The following NRTN variants were observed in gnomAD, a reference collection of about 807,000 sequenced individuals.
NRTN encodes neurturin, also known as prepro-neurturin.
NRTN carries 3 observed loss-of-function variants against 7.5 expected under a neutral mutation model. The observed-to-expected ratio is 0.40, with a 90% CI of 0.18 to 1.03. The LOEUF (loss-of-function observed/expected upper bound fraction) is 1.03. Ranked by LOEUF, NRTN falls within the 50% of genes least tolerant of loss-of-function variation. NRTN has a pLI of 0.34. For missense variants in NRTN, 310 were observed against 307.0 expected, an observed-to-expected ratio of 1.01 and a Z score of -0.07; for synonymous variants, 157 against 146.6, an observed-to-expected ratio of 1.07 and a Z score of -0.51.
chr19:5,811,154 G>A (rs535900661), intron 1 of NRTN, among the ~76,000 whole-genome samples: 8 of 152,076 alleles, frequency 5.3e-5, no homozygotes, highest in African/African-American at 1.2e-4. Flanking sequence ...CAGGAGAACC[G>A]CTTGAACCCC....
chr19:5,805,086 G>T lies in NRTN; in HGVS notation c.-764G>T, dbSNP rs1381409503. ...ACGGGCGGAGGCGGCGGGAGAGCGC[G>T]CCCTGAAGCCGCTCCGAGTGCCCAG... On this transcript the variant is annotated 5_prime_UTR_variant, in exon 1 of 3. Coordinates refer to ENST00000303212, the MANE Select transcript of NRTN (RefSeq NM_004558.5). Among the ~76,000 whole-genome samples the T allele has an allele frequency of 2.1e-5, 3 of 146,108 alleles. No homozygotes were observed. Among genetic ancestry groups the T allele is most frequent in the Non-Finnish European group, 3.0e-5 (2 of 65,760 alleles).
At position 5,827,890 on chromosome 19, in the gene NRTN, G is replaced by C; in HGVS notation, c.311G>C (p.Gly104Ala). The C allele has an allele frequency of 7.2e-7, 1 of 1,387,396 alleles. No homozygotes were observed. The highest frequency in any genetic ancestry group is 9.4e-7 in the Non-Finnish European group (1 of 1,066,816). The allele number at this position is 1,387,396 out of a possible 1,614,324, so 85.9% of individuals were successfully genotyped here. A position where few individuals can be genotyped will look rare whatever the true frequency, so the allele number is the denominator to read the frequency against. Residue 104 changes from glycine to alanine, a missense_variant, in exon 3 of 3, where the codon GGG becomes GCG. Physicochemically the swap from Gly to Ala is moderately conservative, Grantham distance 60 (BLOSUM62 0). Transcript: ENST00000303212. Reference sequence around the variant, plus strand: ...GCGCGGTTGGGGGCGCGGCCTTGCGGGCTGCGCGAGCTGGAGGTGCGCGTG... The same window carrying C: ...GCGCGGTTGGGGGCGCGGCCTTGCGCGCTGCGCGAGCTGGAGGTGCGCGTG... ...ARARLGARPC[G>A]LRELEVRVSE...
chr19:5,813,485 A>G (rs571180952), intron 1 of NRTN, among the ~76,000 whole-genome samples: 1 of 152,294 alleles, frequency 6.6e-6, no homozygotes, highest in East Asian at 1.9e-4. Context: ...CAGTCTGGCC[A>G]ACATGGTGGA....
intron 1 of NRTN, among the ~76,000 whole-genome samples, chr19:5,813,399 C>T (rs1024147551): frequency 1.3e-5 from 2 of 150,704 alleles, no homozygotes; most frequent in African/African-American, 2.4e-5. Flanking sequence ...TGGCCAGGCG[C>T]GGTGGCTCAC....
intron 1 of NRTN, among the ~76,000 whole-genome samples, chr19:5,807,947 G>T (rs767431878): frequency 1.3e-4 from 20 of 152,182 alleles, no homozygotes; most frequent in Non-Finnish European, 2.8e-4. Flanking sequence ...GCCAGGTGTG[G>T]TGGCATCCCC....
chr19:5,818,124 C>T lies in NRTN; in HGVS notation c.-398-5644C>T, dbSNP rs140705792. On this transcript the variant is annotated intron_variant, in intron 1 of 2. Transcript: ENST00000303212. ...GATTACAGGCGCCCACCACCACACC[C>T]GGCTAATTTTTGTATTTTTAGTAGA... Among the ~76,000 whole-genome samples, 1,139 of 152,182 alleles carry T rather than the reference C, an allele frequency of 7.5e-3. 12 individuals are homozygous for T. Among genetic ancestry groups the T allele is most frequent in the African/African-American group, 0.026 (1,062 of 41,500 alleles).
At position 5,828,227 on chromosome 19, in the gene NRTN, C is replaced by G; in HGVS notation, c.*54C>G. On this transcript the variant is annotated 3_prime_UTR_variant, in exon 3 of 3. Coordinates refer to ENST00000303212, the MANE Select transcript of NRTN (RefSeq NM_004558.5). ...CACTCCCCCCGCCTCGACGGCACCA[C>G]TGGCCGGCCCCGCGAAAGACTGCGC... 1 of 1,517,412 alleles carries G rather than the reference C, an allele frequency of 6.6e-7. No individual in the cohort carries two copies. The highest frequency in any genetic ancestry group is 1.2e-5 in the South Asian group (1 of 82,794). 94.0% of individuals were successfully genotyped at this position (1,517,412 alleles called of 1,614,324 possible).
intron 2 of NRTN, among the ~76,000 whole-genome samples, chr19:5,826,937 A>G (rs1370586359): frequency 2.6e-5 from 4 of 152,132 alleles, no homozygotes; most frequent in Non-Finnish European, 5.9e-5. Flanking sequence ...GCCACCTGCT[A>G]ATGATGTGAC....
rs145045601 is a variant in NRTN at position 5,828,236 on chromosome 19, C to T, written c.*63C>T. 8.4e-4 allele frequency: 1,259 copies of T among 1,506,890 alleles called. 11 individuals carry two copies. In the African/African-American group the frequency reaches 0.016, roughly 19 times the overall value. The allele number at this position is 1,506,890 out of a possible 1,614,324, so 93.3% of individuals were successfully genotyped here. Reference sequence around the variant, plus strand: ...CGCCTCGACGGCACCACTGGCCGGCCCCGCGAAAGACTGCGCGTGCGTAGA... The same window carrying T: ...CGCCTCGACGGCACCACTGGCCGGCTCCGCGAAAGACTGCGCGTGCGTAGA... On this transcript the variant is annotated 3_prime_UTR_variant, in exon 3 of 3. Transcript: ENST00000303212.
intron 1 of NRTN, among the ~76,000 whole-genome samples, chr19:5,811,938 T>C (rs957616121): frequency 2.6e-5 from 4 of 151,840 alleles, no homozygotes; most frequent in Non-Finnish European, 5.9e-5. Context: ...GGCGCGATCT[T>C]GGCCCACTGC....
In NRTN at chr19:5,828,198, C is replaced by T. The variant is rs1211466070; in HGVS notation, c.*25C>T. ...ACCCTACCTCACTCGGCCGGCGCGGCGGCCACTCCCCCCGCCTCGACGGCA... is the reference window on the plus strand; with the variant it reads ...ACCCTACCTCACTCGGCCGGCGCGGTGGCCACTCCCCCCGCCTCGACGGCA... On this transcript the variant is annotated 3_prime_UTR_variant, in exon 3 of 3. Coordinates refer to ENST00000303212, the MANE Select transcript of NRTN (RefSeq NM_004558.5). The T allele has an allele frequency of 2.6e-6, 4 of 1,527,474 alleles. No individual in the cohort carries two copies. Among genetic ancestry groups the T allele is most frequent in the East Asian group, 2.5e-5 (1 of 40,298 alleles). The allele number at this position is 1,527,474 out of a possible 1,614,324, so 94.6% of individuals were successfully genotyped here. A position where few individuals can be genotyped will look rare whatever the true frequency, so the allele number is the denominator to read the frequency against.
intron 1 of NRTN, among the ~76,000 whole-genome samples, chr19:5,810,671 T>A (rs957375432): frequency 1.3e-5 from 2 of 151,920 alleles, no homozygotes; most frequent in South Asian, 4.2e-4. Context: ...CAGTGGCTCG[T>A]GCCTGTAATC....
chr19:5,827,982 G>T lies in NRTN; in HGVS notation c.403G>T (p.Glu135Ter). 1 of 1,465,534 alleles carries T rather than the reference G, an allele frequency of 6.8e-7. No homozygotes were observed. The highest frequency in any genetic ancestry group is 2.9e-5 in the East Asian group (1 of 34,232). The allele number at this position is 1,465,534 out of a possible 1,614,324, so 90.8% of individuals were successfully genotyped here. Residue 135 changes from glutamate to a stop codon, truncating the protein, a stop_gained, in exon 3 of 3, where the codon GAG becomes TAG. Transcript: ENST00000303212. LOFTEE classifies it low-confidence loss of function (END_TRUNC). ...VLFRYCAGAC[E>*]AAARVYDLGL... ...GTTCCGCTACTGCGCAGGCGCCTGC[G>T]AGGCTGCCGCGCGCGTCTACGACCT...
At chr19:5,815,421 A>AGTGTGATT (rs2057002066) in intron 1 of NRTN, among the ~76,000 whole-genome samples, 1 of 142,434 alleles carries the variant, frequency 7.0e-6, no homozygotes, top group African/African-American at 2.6e-5. Flanking sequence ...CAAGTGTGTG[A>AGTGTGATT]GTGTGATTTT....
chr19:5,826,143 A>G (rs2057045504), intron 2 of NRTN, among the ~76,000 whole-genome samples: 2 of 152,270 alleles, frequency 1.3e-5, no homozygotes, highest in East Asian at 3.9e-4. Context: ...TCAAAAAAAA[A>G]AAAAAGATTA....
chr19:5,807,334 G>A (rs1170324702), intron 1 of NRTN, among the ~76,000 whole-genome samples: 3 of 152,098 alleles, frequency 2.0e-5, no homozygotes, highest in African/African-American at 2.4e-5. Flanking sequence ...GGAGTCACTG[G>A]GCTGGACTAT....
intron 1 of NRTN, among the ~76,000 whole-genome samples, chr19:5,816,891 G>A (rs1044823449): frequency 1.3e-5 from 2 of 152,216 alleles, no homozygotes; most frequent in Non-Finnish European, 2.9e-5. Flanking sequence ...CTGTGAAAAC[G>A]CCCTAGCATG....
chr19:5,815,371 G>A (rs2057001861), intron 1 of NRTN, among the ~76,000 whole-genome samples: 1 of 151,928 alleles, frequency 6.6e-6, no homozygotes, highest in Non-Finnish European at 1.5e-5. Flanking sequence ...GCAAACACCA[G>A]CACGTGGATA....
intron 1 of NRTN, among the ~76,000 whole-genome samples, chr19:5,822,076 G>T (rs771094279): frequency 2.0e-5 from 3 of 152,182 alleles, no homozygotes; most frequent in Non-Finnish European, 2.9e-5. Flanking sequence ...CTTAATAAAT[G>T]TGTCCTGTTA....
Sources: gnomAD v4.1 joint callset for allele counts (sites outside exome capture counted in the v4.1 genomes callset) on GRCh38, gnomAD v4.1.1 for gene constraint, MANE v1.5 for transcripts, NCBI Gene and HGNC (gene_info 2026-07-23, HGNC 2026-07-21) for gene names.